ATG4B: variants seen among roughly 807,000 people sequenced by gnomAD.
ATG4B encodes the protein cysteine protease ATG4B.
ATG4B carries 29 observed loss-of-function variants against 56.6 expected under a neutral mutation model. The observed-to-expected ratio is 0.51, with a 90% CI of 0.38 to 0.70. ATG4B has a LOEUF of 0.70. ATG4B is among the 30% of genes least tolerant of loss of function. The pLI is 0.00. For missense variants in ATG4B, 461 were observed against 515.5 expected (o/e 0.89, Z 1.02); for synonymous variants, 224 against 206.1 (o/e 1.09, Z -0.74).
chr2:241,666,924 G>C, intron 8 of ATG4B, 86 bp downstream of exon 8: 1 of 1,438,764 alleles, frequency 7.0e-7, no homozygotes, highest in Non-Finnish European at 9.3e-7. Flanking sequence ...TCGTCACGTG[G>C]CCATTTGTGC....
At chr2:241,656,156 C>A (rs535146612) in intron 6 of ATG4B, among the ~76,000 whole-genome samples, 8 of 152,288 alleles carry the variant, frequency 5.3e-5, no homozygotes, top group African/African-American at 1.7e-4. Context: ...CCTCAGGCAT[C>A]CCACGTTCCA....
chr2:241,640,559 T>A (rs892332278), intron 1 of ATG4B, among the ~76,000 whole-genome samples: 5 of 152,226 alleles, frequency 3.3e-5, no homozygotes, highest in Non-Finnish European at 7.3e-5. Flanking sequence ...ACAACATAGA[T>A]GAAAACCATT....
chr2:241,654,192 G>A (rs1389985042), intron 4 of ATG4B, among the ~76,000 whole-genome samples: 1 of 151,974 alleles, frequency 6.6e-6, no homozygotes, highest in African/African-American at 2.4e-5. Flanking sequence ...GGATGCCGAG[G>A]CGGGTGGGTC....
Position 241,659,198 on chromosome 2 carries a change from CAG to C in ATG4B, c.538+14_538+15del, listed in dbSNP as rs753937171. 1 of 1,611,844 alleles carries C rather than the reference CAG, an allele frequency of 6.2e-7. No homozygotes were observed. Among genetic ancestry groups the C allele is most frequent in the Admixed American group, 1.7e-5 (1 of 59,930 alleles). On this transcript the variant is annotated intron_variant, in intron 7 of 12. Coordinates refer to ENST00000404914, the MANE Select transcript of ATG4B (RefSeq NM_013325.5). ...TGATGGAGGAAATCAGTAAGTGGCT[CAG>C]AGTTTCCATGGACAAGAAAGTTGAA...
At position 241,651,257 on chromosome 2, in the gene ATG4B, C is replaced by T. The variant is rs926166214; in HGVS notation, c.113-7C>T. ...TGTGTGTTTTTTTTCTTTTAAACAA[C>T]CTCTAGAAAAGGACGAGATCTTGTC... On this transcript the variant is annotated splice_polypyrimidine_tract_variant and splice_region_variant and intron_variant, in intron 2 of 12. Coordinates refer to ENST00000404914, the MANE Select transcript of ATG4B (RefSeq NM_013325.5). The surrounding 1 kb of genome is among the most constrained non-coding windows in gnomAD (Gnocchi z 4.1). The T allele has an allele frequency of 1.9e-6, 3 of 1,593,204 alleles. No homozygotes were observed. Among genetic ancestry groups the T allele is most frequent in the African/African-American group, 1.3e-5 (1 of 74,516 alleles).
At chr2:241,640,391 C>A (rs912120931) in intron 1 of ATG4B, among the ~76,000 whole-genome samples, 1 of 152,212 alleles carries the variant, frequency 6.6e-6, no homozygotes, top group Non-Finnish European at 1.5e-5. Context: ...GATTAATGAT[C>A]TGCCCTCCTT....
chr2:241,664,325 T>G (rs2068692533), intron 7 of ATG4B, among the ~76,000 whole-genome samples: 1 of 152,008 alleles, frequency 6.6e-6, no homozygotes, highest in Non-Finnish European at 1.5e-5. Context: ...GTCCAGGAGT[T>G]TGAGACCAGC....
Position 241,658,980 on chromosome 2 carries a change from A to C in ATG4B, c.459-128A>C, listed in dbSNP as rs574130678. 121 of 628,580 alleles carry C rather than the reference A, an allele frequency of 1.9e-4. 1 individual carries two copies. In the Admixed American group the frequency reaches 3.6e-3, roughly 19 times the overall value. The allele number at this position is 628,580 out of a possible 1,614,324, so 38.9% of individuals were successfully genotyped here. A position where few individuals can be genotyped will look rare whatever the true frequency, so the allele number is the denominator to read the frequency against. ...TGGCATTGGCTGTGCCCCGGATTTT[A>C]GGAGCCTTGGCCCTTCTCATCCGAG... On this transcript the variant is annotated intron_variant, in intron 6 of 12. Transcript: ENST00000404914.
intron 7 of ATG4B, chr2:241,659,408 C>T (rs368569414): frequency 2.1e-4 from 133 of 630,512 alleles, no homozygotes; most frequent in South Asian, 1.6e-3. Flanking sequence ...GTCTGGAGGC[C>T]GCGACTTGGT....
intron 6 of ATG4B, among the ~76,000 whole-genome samples, 188 bp from the exon 7 acceptor site, chr2:241,658,920 A>G (rs2125132901): frequency 6.6e-6 from 1 of 152,382 alleles, no homozygotes; most frequent in African/African-American, 2.4e-5. Flanking sequence ...TCAGGCGAGA[A>G]GAAGCAGATT....
chr2:241,656,296 T>A (rs996729009), intron 6 of ATG4B, among the ~76,000 whole-genome samples: 8 of 152,016 alleles, frequency 5.3e-5, no homozygotes, highest in Admixed American at 5.2e-4. Context: ...ACATCCCACG[T>A]CACCCGCGTC....
chr2:241,658,260 C>T (rs990651799), intron 6 of ATG4B, among the ~76,000 whole-genome samples: 2 of 151,896 alleles, frequency 1.3e-5, no homozygotes, highest in African/African-American at 4.8e-5. Context: ...AGGCTGTCCT[C>T]CCATCTTCAG....
intron 6 of ATG4B, among the ~76,000 whole-genome samples, chr2:241,656,400 G>A (rs1270391365): frequency 1.3e-5 from 2 of 151,870 alleles, no homozygotes; most frequent in Non-Finnish European, 2.9e-5. Context: ...AGTCCCTACT[G>A]CATGCCCTTC....
chr2:241,646,461 A>G (rs564337222), intron 1 of ATG4B, among the ~76,000 whole-genome samples: 12 of 152,292 alleles, frequency 7.9e-5, no homozygotes, highest in Admixed American at 2.6e-4. Context: ...TGAAGTACAG[A>G]TGGTCTCCAA....
Position 241,668,878 on chromosome 2 carries a change from C to A in ATG4B, c.957+193C>A. 1.3e-6 allele frequency: 1 copy of A among 762,754 alleles called. No individual in the cohort carries two copies. The highest frequency in any genetic ancestry group is 2.1e-6 in the Non-Finnish European group (1 of 484,584). The allele number at this position is 762,754 out of a possible 1,614,324, so 47.2% of individuals were successfully genotyped here. On this transcript the variant is annotated intron_variant, in intron 10 of 12. Transcript: ENST00000404914. The surrounding 1 kb of genome is among the most constrained non-coding windows in gnomAD (Gnocchi z 4.2). Reference sequence around the variant, plus strand: ...CACCCTCACGTCCCTCCCCCAGGCACCACCTCCTGTGCAGCCTTCATGGCC... The same window carrying A: ...CACCCTCACGTCCCTCCCCCAGGCAACACCTCCTGTGCAGCCTTCATGGCC...
rs780987440 is a variant in ATG4B at position 241,655,287 on chromosome 2, C to T, written c.402C>T (p.Gly134=). The change falls in exon 6 of 13, where the codon GGC becomes GGT. Residue 134 remains glycine (G), a synonymous_variant. Transcript: ENST00000404914. The stretch of plus-strand genomic sequence containing the variant: ...TCCCTGCAGCGCAAATGGGAGTTGG[C>T]GAAGGCAAGTCCATAGGCCAGTGGT... The part of the protein sequence containing the change: ...SIHQIAQMGV[G]EGKSIGQWYG... The T allele has an allele frequency of 7.4e-6, 12 of 1,611,522 alleles. No homozygotes were observed. The highest frequency in any genetic ancestry group is 3.3e-4 in the Middle Eastern group (2 of 6,082).
At chr2:241,663,500 A>G (rs994174286) in intron 7 of ATG4B, among the ~76,000 whole-genome samples, 28 of 152,244 alleles carry the variant, frequency 1.8e-4, no homozygotes, top group Non-Finnish European at 1.5e-5. Flanking sequence ...GTAACTATGT[A>G]TCTGAACCTG....
At chr2:241,671,226 G>A (rs544493690) in intron 11 of ATG4B, 86 bp from the exon 12 acceptor site, 41 of 1,205,200 alleles carry the variant, frequency 3.4e-5, no homozygotes, top group Non-Finnish European at 4.3e-5. Context: ...AGGTTTGTCC[G>A]CTGGCTGTGG....
At chr2:241,671,080 G>T (rs919805059) in intron 11 of ATG4B, among the ~76,000 whole-genome samples, 3 of 152,228 alleles carry the variant, frequency 2.0e-5, no homozygotes, top group Non-Finnish European at 4.4e-5. Flanking sequence ...GCTGAGCTAC[G>T]CCGGCCGAGT....
Sources: gnomAD v4.1 joint callset for allele counts (sites outside exome capture counted in the v4.1 genomes callset) on GRCh38, gnomAD v4.1.1 for gene constraint, Gnocchi (gnomAD v3.1) non-coding constraint, MANE v1.5 for transcripts, NCBI Gene and HGNC (gene_info 2026-07-23, HGNC 2026-07-21) for gene names.